The following SLC35A3 variants were observed in gnomAD, a reference collection of about 807,000 sequenced individuals.
The protein encoded by SLC35A3 is UDP-N-acetylglucosamine transporter.
Under a neutral mutation model 39.0 loss-of-function variants are expected in SLC35A3, and 26 were observed. The ratio of observed to expected loss-of-function variants is 0.67; its 90% CI spans 0.49 to 0.92. The LOEUF is 0.92. SLC35A3 is among the 40% of genes least tolerant of loss of function. The pLI is 0.00. For missense variants in SLC35A3, 299 were observed against 371.6 expected (o/e 0.80, Z 1.61); for synonymous variants, 135 against 133.1 (o/e 1.01, Z -0.10).
intron 3 of SLC35A3, chr1:100,000,811 A>G (rs920349046): frequency 2.0e-5 from 3 of 149,142 alleles, no homozygotes; most frequent in African/African-American, 7.4e-5. Context: ...TTTCTCCTCT[A>G]TTTTCTTCTA....
chr1:100,016,930 G>C (rs1254825721), intron 6 of SLC35A3, among the ~76,000 whole-genome samples: 1 of 152,172 alleles, frequency 6.6e-6, no homozygotes, highest in African/African-American at 2.4e-5. Flanking sequence ...ACATTGCCAA[G>C]AAATACTGGG....
At chr1:99,974,999 A>C (rs1657031328) in intron 1 of SLC35A3, 1 of 151,688 alleles carries the variant, frequency 6.6e-6, no homozygotes, top group Non-Finnish European at 1.5e-5. Context: ...GCTGGAGTAC[A>C]GAGGCGCAAT....
intron 1 of SLC35A3, among the ~76,000 whole-genome samples, chr1:99,992,253 G>A (rs935181068): frequency 6.6e-6 from 1 of 151,996 alleles, no homozygotes; most frequent in African/African-American, 2.4e-5. Flanking sequence ...ATGTTATTAG[G>A]CACATATGTG....
intron 1 of SLC35A3, among the ~76,000 whole-genome samples, chr1:99,972,037 T>G (rs951515050): frequency 1.3e-5 from 2 of 152,082 alleles, no homozygotes; most frequent in African/African-American, 4.8e-5. Context: ...TAGCTGGGAT[T>G]ACAGGTGCCC....
intron 3 of SLC35A3, among the ~76,000 whole-genome samples, chr1:100,003,412 A>G (rs1376527132): frequency 1.5e-5 from 2 of 130,874 alleles, no homozygotes; most frequent in Admixed American, 1.6e-4. Context: ...TTGAAACTCC[A>G]TCTCAAAAAA....
chr1:100,021,085 A>T (rs1393376018), intron 7 of SLC35A3, among the ~76,000 whole-genome samples: 2 of 152,216 alleles, frequency 1.3e-5, no homozygotes, highest in Non-Finnish European at 2.9e-5. Context: ...ATAGCATTTT[A>T]AAAAATGTAC....
chr1:99,992,454 C>T (rs1449918989), intron 1 of SLC35A3, among the ~76,000 whole-genome samples: 3 of 151,674 alleles, frequency 2.0e-5, no homozygotes, highest in African/African-American at 7.3e-5. Flanking sequence ...TATATGTCTT[C>T]ATATTTAAAG....
intron 3 of SLC35A3, among the ~76,000 whole-genome samples, chr1:100,001,551 T>C (rs925101972): frequency 6.6e-6 from 1 of 152,168 alleles, no homozygotes; most frequent in Non-Finnish European, 1.5e-5. Flanking sequence ...GTTGATTTTG[T>C]ATCCTGAAAC....
At chr1:100,000,844 T>C (rs1658733494) in intron 3 of SLC35A3, 1 of 152,040 alleles carries the variant, frequency 6.6e-6, no homozygotes, top group Non-Finnish European at 1.5e-5. Context: ...TAGTTTTGAG[T>C]CTTATGTTTA....
chr1:100,017,901 A>G, intron 7 of SLC35A3, 86 bp downstream of exon 7: 2 of 688,800 alleles, frequency 2.9e-6, no homozygotes, highest in South Asian at 5.3e-5. Flanking sequence ...ATAAATTTGA[A>G]GAAGCACTGA....
chr1:99,982,028 G>A (rs576157870), intron 1 of SLC35A3, among the ~76,000 whole-genome samples: 3 of 140,650 alleles, frequency 2.1e-5, no homozygotes, highest in Admixed American at 7.2e-5. Context: ...TTTTTGAGAC[G>A]GAGTCTTGCT....
rs1661326136 is a variant in SLC35A3, at chr1:100,033,081, T to C, written c.*10605T>C. On this transcript the variant is annotated 3_prime_UTR_variant, in exon 8 of 8. Coordinates refer to ENST00000533028, the MANE Select transcript of SLC35A3 (RefSeq NM_012243.3). The stretch of plus-strand genomic sequence containing the variant: ...ATCCATTGTTACTGAGCTGTCATTG[T>C]TTCTAGGCCATTTTAGTGGACATAG... 2.6e-5 allele frequency: 4 copies of C among 152,228 alleles called. No homozygotes were observed. Among genetic ancestry groups the C allele is most frequent in the Admixed American group, 2.0e-4 (3 of 15,280 alleles). 9.4% of individuals were successfully genotyped at this position (152,228 alleles called of 1,614,324 possible). A position where few individuals can be genotyped will look rare whatever the true frequency, so the allele number is the denominator to read the frequency against.
chr1:100,015,391 C>T lies in SLC35A3; in HGVS notation c.724C>T (p.Arg242Ter), dbSNP rs1660025629. 5 of 1,612,310 alleles carry T rather than the reference C, an allele frequency of 3.1e-6. No individual in the cohort carries two copies. The highest frequency in any genetic ancestry group is 1.1e-5 in the South Asian group (1 of 90,816). The part of the protein sequence containing the change: ...SKNGFFQGYN[R>*]LTWIVVVLQA... ...GAATGGATTTTTTCAGGGATATAAC[C>T]GACTGACCTGGATAGTAGTTGTTCT... The change falls in exon 6 of 8, where the codon CGA becomes TGA. Residue 242 changes from arginine to a stop codon, truncating the protein, a stop_gained. Coordinates refer to ENST00000533028, the MANE Select transcript of SLC35A3 (RefSeq NM_012243.3). LOFTEE classifies it high-confidence loss of function.
chr1:99,973,691 C>T (rs1026770580), intron 1 of SLC35A3, among the ~76,000 whole-genome samples: 1 of 152,098 alleles, frequency 6.6e-6, no homozygotes, highest in African/African-American at 2.4e-5. Flanking sequence ...TATGCTAGGT[C>T]AGGAAGCATA....
chr1:99,979,526 CG>C, intron 1 of SLC35A3, among the ~76,000 whole-genome samples: 1 of 151,148 alleles, frequency 6.6e-6, no homozygotes, highest in South Asian at 2.1e-4. Context: ...CTCCACCTCC[CG>C]GGTTCATGCC....
At chr1:100,020,356 C>G (rs1163999560) in intron 7 of SLC35A3, among the ~76,000 whole-genome samples, 2 of 152,132 alleles carry the variant, frequency 1.3e-5, no homozygotes, top group Non-Finnish European at 1.5e-5. Context: ...ACCACAGAAT[C>G]TTTCAGTTGA....
In SLC35A3 at chr1:100,029,426, A is replaced by ATTTTTTTTTT; in HGVS notation, c.*6963_*6972dup. On this transcript the variant is annotated 3_prime_UTR_variant, in exon 8 of 8. Coordinates refer to ENST00000533028, the MANE Select transcript of SLC35A3 (RefSeq NM_012243.3). ...CAATTCTTCTTTTCAGAGACTTTTA[A>ATTTTTTTTTT]TTTTTTTTTTTTTTTTTTTTTTGAG... is the stretch of plus-strand genomic sequence containing the variant. The ATTTTTTTTTT allele has an allele frequency of 8.0e-6, 1 of 125,604 alleles. No individual in the cohort carries two copies. The highest frequency in any genetic ancestry group is 1.6e-5 in the Non-Finnish European group (1 of 61,046). The allele number at this position is 125,604 out of a possible 1,614,324, so 7.8% of individuals were successfully genotyped here. A position where few individuals can be genotyped will look rare whatever the true frequency, so the allele number is the denominator to read the frequency against.
rs1661168876 is a variant in SLC35A3, at chr1:100,030,636, A to C, written c.*8160A>C. 6.6e-6 allele frequency: 1 copy of C among 152,224 alleles called. No homozygotes were observed. Among genetic ancestry groups the C allele is most frequent in the Admixed American group, 6.5e-5 (1 of 15,282 alleles). The allele number at this position is 152,224 out of a possible 1,614,324, so 9.4% of individuals were successfully genotyped here. On this transcript the variant is annotated 3_prime_UTR_variant, in exon 8 of 8. Coordinates refer to ENST00000533028, the MANE Select transcript of SLC35A3 (RefSeq NM_012243.3). ...TTTAAGAGGTTCAGTTAAATGTACT[A>C]AATCAGACTTGTGTGATTTAGACAC...
chr1:100,021,865 T>C (rs510370), intron 7 of SLC35A3, among the ~76,000 whole-genome samples: 8,953 of 152,266 alleles, frequency 0.059, 343 homozygotes, highest in African/African-American at 0.1. Context: ...TGCTTATTAT[T>C]ATCTTGGATT....
Sources: gnomAD v4.1 joint callset for allele counts (sites outside exome capture counted in the v4.1 genomes callset) on GRCh38, gnomAD v4.1.1 for gene constraint, MANE v1.5 for transcripts, NCBI Gene and HGNC (gene_info 2026-07-23, HGNC 2026-07-21) for gene names.